Variants in NACC2 observed in about 807,000 individuals in gnomAD.
NACC2 encodes the protein nucleus accumbens-associated protein 2.
In NACC2, 8 loss-of-function variants were observed where a neutral mutation model predicts 25.1. The ratio of observed to expected loss-of-function variants is 0.32; its 90% CI spans 0.19 to 0.57. The LOEUF (loss-of-function observed/expected upper bound fraction) is 0.57. Among genes scored for constraint, NACC2 ranks in the 20% least tolerant of loss-of-function variants. The pLI is 0.89. For missense variants in NACC2, 644 were observed against 650.2 expected (o/e 0.99, Z 0.10); for synonymous variants, 435 against 294.7 (o/e 1.48, Z -4.88).
intron 1 of NACC2, among the ~76,000 whole-genome samples, chr9:136,050,811 G>C (rs542124283): frequency 6.6e-6 from 1 of 152,288 alleles, no homozygotes; most frequent in East Asian, 1.9e-4. Flanking sequence ...AGATCCCCGG[G>C]GTGCTGCCCG....
chr9:136,011,680 C>T lies in NACC2; in HGVS notation c.1600G>A (p.Gly534Arg), dbSNP rs1372560935. The T allele has an allele frequency of 1.6e-5, 23 of 1,453,386 alleles. No individual in the cohort carries two copies. The East Asian group carries it at 3.7e-4, about 23-fold the overall frequency. 90.0% of individuals were successfully genotyped at this position (1,453,386 alleles called of 1,614,324 possible). A position where few individuals can be genotyped will look rare whatever the true frequency, so the allele number is the denominator to read the frequency against. Residue 534 changes from glycine (G) to arginine (R), a missense_variant, in exon 6 of 6, where the codon GGG (glycine) becomes AGG (arginine). Transcript: ENST00000277554. ...PAFDAGEEVD[G>R]AGSVIQEVAA... Reference sequence around the variant, plus strand: ...ACCTCCTGGATGACCGAGCCAGCCCCGTCCACCTCCTCGCCGGCGTCGAAG... The same window carrying T: ...ACCTCCTGGATGACCGAGCCAGCCCTGTCCACCTCCTCGCCGGCGTCGAAG...
chr9:136,058,319 C>T (rs1212569428), intron 1 of NACC2, among the ~76,000 whole-genome samples: 1 of 152,268 alleles, frequency 6.6e-6, no homozygotes, highest in Admixed American at 6.5e-5. Flanking sequence ...CCACCCCATC[C>T]TGCCCGGTCC....
intron 2 of NACC2, among the ~76,000 whole-genome samples, chr9:136,024,552 AGTGT>A (rs1192920857): frequency 1.4e-5 from 2 of 141,390 alleles, no homozygotes; most frequent in South Asian, 2.4e-4. Flanking sequence ...GTGTGAGGAC[AGTGT>A]GTGTAAGGAC....
rs1007115737 is a variant in NACC2, at chr9:136,020,490, G to T, written c.887-4061C>A. Among the ~76,000 whole-genome samples, 1 of 152,368 alleles carries T rather than the reference G, an allele frequency of 6.6e-6. No individual in the cohort carries two copies. The highest frequency in any genetic ancestry group is 2.4e-5 in the African/African-American group (1 of 41,596). The stretch of plus-strand genomic sequence containing the variant: ...CACCAGGGGAGTCTGTGCGGATGTG[G>T]GCGGCAGTGGCGAGTGGTAGGGCCG... On this transcript the variant is annotated intron_variant, in intron 2 of 5. Transcript: ENST00000277554. The surrounding 1 kb of genome is among the most constrained non-coding windows in gnomAD (Gnocchi z 4.7).
intron 2 of NACC2, among the ~76,000 whole-genome samples, chr9:136,039,739 T>C (rs1193035254): frequency 3.9e-5 from 6 of 152,134 alleles, no homozygotes; most frequent in African/African-American, 9.7e-5. Context: ...ATCACTTGCA[T>C]AGATAGAAAC....
intron 1 of NACC2, among the ~76,000 whole-genome samples, chr9:136,081,523 T>C (rs1830324881): frequency 6.6e-6 from 1 of 152,238 alleles, no homozygotes; most frequent in Admixed American, 6.5e-5. Context: ...CAGAATTCCC[T>C]CGTGACGTTT....
rs1215351809 is a variant in NACC2, at chr9:136,009,147, C to T, written c.*2369G>A. On this transcript the variant is annotated 3_prime_UTR_variant, in exon 6 of 6. Transcript: ENST00000277554. ...CAGCAGCCAGGCCCCCAGGGATGGT[C>T]AAATTAAAGTGCAAATTTGGGTGTG... 1 of 152,278 alleles carries T rather than the reference C, an allele frequency of 6.6e-6. No homozygotes were observed. The highest frequency in any genetic ancestry group is 1.5e-5 in the Non-Finnish European group (1 of 68,110). The allele number at this position is 152,278 out of a possible 1,614,324, so 9.4% of individuals were successfully genotyped here. A position where few individuals can be genotyped will look rare whatever the true frequency, so the allele number is the denominator to read the frequency against.
At chr9:136,041,869 C>T (rs1840637901) in intron 2 of NACC2, among the ~76,000 whole-genome samples, 2 of 152,252 alleles carry the variant, frequency 1.3e-5, no homozygotes, top group South Asian at 2.1e-4. Context: ...GATTAGAAGC[C>T]TCAATATTGT....
chr9:136,046,613 C>T (rs2131159195), intron 2 of NACC2, among the ~76,000 whole-genome samples: 1 of 152,328 alleles, frequency 6.6e-6, no homozygotes, highest in Non-Finnish European at 1.5e-5. Context: ...GGGGCTTGAA[C>T]TCGGCCCCAT....
intron 2 of NACC2, among the ~76,000 whole-genome samples, chr9:136,039,993 T>C (rs1464882739): frequency 6.6e-6 from 1 of 152,144 alleles, no homozygotes; most frequent in African/African-American, 2.4e-5. Flanking sequence ...GGAAAGCTAT[T>C]AGAACTAATC....
At chr9:136,082,102 C>A (rs1382879128) in intron 1 of NACC2, among the ~76,000 whole-genome samples, 3 of 152,238 alleles carry the variant, frequency 2.0e-5, no homozygotes, top group Non-Finnish European at 4.4e-5. Flanking sequence ...CACCTGAACA[C>A]GACCTGCCGG....
At chr9:136,066,551 T>G (rs189074624) in intron 1 of NACC2, among the ~76,000 whole-genome samples, 1 of 152,318 alleles carries the variant, frequency 6.6e-6, no homozygotes, top group African/African-American at 2.4e-5. Context: ...TGCAAAATGT[T>G]AGGGCCACTT....
At chr9:136,012,694 A>G (rs1399557247) in intron 5 of NACC2, among the ~76,000 whole-genome samples, 1 of 149,482 alleles carries the variant, frequency 6.7e-6, no homozygotes, top group Non-Finnish European at 1.5e-5. Flanking sequence ...GGAAGAAAAC[A>G]AGATAGTGCT....
intron 1 of NACC2, among the ~76,000 whole-genome samples, chr9:136,076,945 G>A (rs866207832): frequency 5.9e-5 from 9 of 152,180 alleles, no homozygotes; most frequent in African/African-American, 1.9e-4. Flanking sequence ...GGCAGGGCCT[G>A]CAGTGAGCCG....
intron 1 of NACC2, among the ~76,000 whole-genome samples, chr9:136,059,835 C>T (rs1235351443): frequency 2.6e-5 from 4 of 152,216 alleles, no homozygotes; most frequent in African/African-American, 4.8e-5. Flanking sequence ...GCCTGGCCTC[C>T]GTCAGAGTCC....
At chr9:136,049,523 G>A (rs1050753061) in intron 2 of NACC2, 113 bp downstream of exon 2, 20 of 618,516 alleles carry the variant, frequency 3.2e-5, no homozygotes, top group Non-Finnish European at 5.5e-5. Context: ...CTTGGTGGGG[G>A]GCTCCCCTGT....
chr9:136,013,402 C>T lies in NACC2; in HGVS notation c.1158-106G>A. Reference sequence around the variant, plus strand: ...TGCTGGGAGGCCACTTGGCCTCACCCTTGGCTGGTCTGCGTGTGTCCCAGT... The same window carrying T: ...TGCTGGGAGGCCACTTGGCCTCACCTTTGGCTGGTCTGCGTGTGTCCCAGT... On this transcript the variant is annotated intron_variant, in intron 4 of 5. Transcript: ENST00000277554. This position sits in a 1 kb window ranked among gnomAD's most constrained non-coding sequence, Gnocchi z 6.6. The T allele has an allele frequency of 1.0e-6, 1 of 986,904 alleles. No individual in the cohort carries two copies. Among genetic ancestry groups the T allele is most frequent in the Non-Finnish European group, 1.5e-6 (1 of 651,794 alleles). The allele number at this position is 986,904 out of a possible 1,614,324, so 61.1% of individuals were successfully genotyped here.
At chr9:136,089,858 G>A (rs1305959459) in intron 1 of NACC2, among the ~76,000 whole-genome samples, 3 of 151,088 alleles carry the variant, frequency 2.0e-5, no homozygotes, top group East Asian at 1.9e-4. Context: ...AATAGCCAAA[G>A]TTAATGGACA....
intron 2 of NACC2, among the ~76,000 whole-genome samples, chr9:136,038,822 C>G (rs1012493186): frequency 6.6e-6 from 1 of 151,948 alleles, no homozygotes; most frequent in Non-Finnish European, 1.5e-5. Context: ...GAGATGCTAC[C>G]GTGCGGTCTA....
Sources: gnomAD v4.1 joint callset for allele counts (sites outside exome capture counted in the v4.1 genomes callset) on GRCh38, gnomAD v4.1.1 for gene constraint, Gnocchi (gnomAD v3.1) non-coding constraint, MANE v1.5 for transcripts, NCBI Gene and HGNC (gene_info 2026-07-23, HGNC 2026-07-21) for gene names.